The following SOX5 variants were observed in gnomAD, a reference collection of about 807,000 sequenced individuals.
SOX5 encodes SRY-box transcription factor 5.
In SOX5, 9 loss-of-function variants were observed where a neutral mutation model predicts 92.0. The observed-to-expected ratio is 0.10, with a 90% confidence interval of 0.06 to 0.17. The LOEUF (loss-of-function observed/expected upper bound fraction) is 0.17. Among genes scored for constraint, SOX5 ranks in the 10% least tolerant of loss-of-function variants. The pLI, the probability that SOX5 is intolerant of heterozygous loss-of-function variation, is 1.00. For synonymous variants in SOX5, 344 were observed against 336.3 expected, an observed-to-expected ratio of 1.02 and a Z score of -0.25; for missense variants, 642 against 944.5, an observed-to-expected ratio of 0.68 and a Z score of 4.20.
chr12:24,148,652 C>A (rs1951332294), intron 4 of SOX5, among the ~76,000 whole-genome samples: 2 of 125,958 alleles, frequency 1.6e-5, no homozygotes, highest in South Asian at 5.0e-4. Flanking sequence ...GAGTTTGAGA[C>A]CAGCCTGGAA....
In SOX5 at chr12:24,289,707, G is replaced by A. The variant is rs574039959; in HGVS notation, c.-173-12395C>T. 4.1e-4 allele frequency among the ~76,000 whole-genome samples: 50 copies of A among 120,624 alleles called. 2 individuals carry two copies. In the East Asian group the frequency reaches 0.011, roughly 26 times the overall value. The allele number at this position is 120,624 out of a possible 152,430, so 79.1% of individuals were successfully genotyped here. ...CCTGACCTCGTGATCCGCCCGCCTC[G>A]GCCTCCCAAAGTGCTGGGATTACAG... On this transcript the variant is annotated intron_variant, in intron 2 of 4. Transcript: ENST00000446891.
intron 9 of SOX5, among the ~76,000 whole-genome samples, chr12:23,600,550 TATAC>T (rs1376721917): frequency 3.9e-5 from 5 of 126,814 alleles, no homozygotes; most frequent in African/African-American, 1.5e-4. Flanking sequence ...TATATATATA[TATAC>T]ACATACTTGG....
intron 2 of SOX5, among the ~76,000 whole-genome samples, chr12:24,287,592 C>CTTTTTTTTTT (rs763973565): frequency 3.8e-5 from 3 of 79,694 alleles, no homozygotes; most frequent in African/African-American, 4.5e-5. Flanking sequence ...TTCTCAAATC[C>CTTTTTTTTTT]TTTTTTTTTT....
intron 2 of SOX5, among the ~76,000 whole-genome samples, chr12:23,848,956 T>G (rs139543066): frequency 6.6e-6 from 1 of 152,294 alleles, no homozygotes; most frequent in Non-Finnish European, 1.5e-5. Flanking sequence ...TTGCAACCAA[T>G]AGAAAAAGGA....
chr12:23,542,769 A>G (rs1285335023), intron 13 of SOX5, among the ~76,000 whole-genome samples: 1 of 152,196 alleles, frequency 6.6e-6, no homozygotes, highest in Non-Finnish European at 1.5e-5. Context: ...CCCCACAACA[A>G]GATGAATTCC....
chr12:24,083,404 T>A (rs746660553), intron 4 of SOX5, among the ~76,000 whole-genome samples: 1 of 152,100 alleles, frequency 6.6e-6, no homozygotes, highest in African/African-American at 2.4e-5. Context: ...TCTAAGCATA[T>A]GCTATCTGCC....
At chr12:23,584,671 G>C in intron 9 of SOX5, 1 of 1,315,676 alleles carries the variant, frequency 7.6e-7, no homozygotes. Context: ...GTTTATATTT[G>C]GGAGATGAGT....
At chr12:23,832,798 A>G (rs1486863493) in intron 3 of SOX5, among the ~76,000 whole-genome samples, 2 of 148,940 alleles carry the variant, frequency 1.3e-5, no homozygotes, top group African/African-American at 4.9e-5. Context: ...CTTTTAGGCA[A>G]AAAAAAAAAC....
chr12:24,303,912 T>G (rs920875639), intron 2 of SOX5, among the ~76,000 whole-genome samples: 3 of 152,242 alleles, frequency 2.0e-5, no homozygotes, highest in Non-Finnish European at 2.9e-5. Context: ...TTCTTTTTTT[T>G]TGAAAATTGG....
intron 8 of SOX5, among the ~76,000 whole-genome samples, chr12:23,607,947 A>G (rs1191262600): frequency 4.0e-5 from 6 of 151,894 alleles, no homozygotes; most frequent in Non-Finnish European, 7.4e-5. Context: ...AACAGGTGAC[A>G]CTAAACAAAC....
chr12:24,560,264 C>A (rs1176353765), intron 1 of SOX5, among the ~76,000 whole-genome samples: 1 of 152,134 alleles, frequency 6.6e-6, no homozygotes, highest in Admixed American at 6.5e-5. Context: ...CCCTTCCCAC[C>A]CCCACAATTA....
chr12:23,663,999 A>G (rs187119698), intron 7 of SOX5, among the ~76,000 whole-genome samples: 26 of 152,290 alleles, frequency 1.7e-4, no homozygotes, highest in Admixed American at 1.6e-3. Context: ...CAAAAGCAGT[A>G]TGAAAATCTC....
At chr12:24,148,218 C>T (rs144188431) in intron 4 of SOX5, among the ~76,000 whole-genome samples, 42 of 152,126 alleles carry the variant, frequency 2.8e-4, no homozygotes, top group African/African-American at 9.6e-4. Context: ...ACAAACAGGC[C>T]AGGCATGGCG....
chr12:23,535,199 T>C (rs1940060052), intron 14 of SOX5, among the ~76,000 whole-genome samples: 1 of 152,226 alleles, frequency 6.6e-6, no homozygotes, highest in Non-Finnish European at 1.5e-5. Context: ...AAATAGTATT[T>C]TTCCCTAGAA....
chr12:24,539,326 G>T (rs1405970692), intron 1 of SOX5, among the ~76,000 whole-genome samples: 3 of 151,880 alleles, frequency 2.0e-5, no homozygotes, highest in Non-Finnish European at 4.4e-5. Flanking sequence ...AGTTAACCAG[G>T]GTAAAATAAT....
chr12:24,282,540 A>G (rs1256878217), intron 2 of SOX5, among the ~76,000 whole-genome samples: 1 of 152,106 alleles, frequency 6.6e-6, no homozygotes, highest in East Asian at 1.9e-4. Flanking sequence ...ACAAAAAAAA[A>G]AAAGGTGTTG....
At chr12:23,718,455 G>T in intron 6 of SOX5, among the ~76,000 whole-genome samples, 1 of 152,108 alleles carries the variant, frequency 6.6e-6, no homozygotes, top group East Asian at 1.9e-4. Flanking sequence ...ACATCTTAAG[G>T]TTCATAATTT....
intron 4 of SOX5, among the ~76,000 whole-genome samples, chr12:24,104,098 T>C (rs543157114): frequency 2.0e-5 from 3 of 152,358 alleles, no homozygotes; most frequent in Admixed American, 1.3e-4. Flanking sequence ...TGTATCCTCA[T>C]GTAAATAGTA....
intron 4 of SOX5, among the ~76,000 whole-genome samples, chr12:24,195,485 T>A (rs993802566): frequency 5.9e-5 from 9 of 152,226 alleles, no homozygotes; most frequent in Non-Finnish European, 1.0e-4. Flanking sequence ...TTTTTTGTAT[T>A]GATCATCTTT....
Sources: allele counts gnomAD v4.1 joint callset (sites outside exome capture counted in the v4.1 genomes callset), GRCh38; gene constraint gnomAD v4.1.1; transcripts MANE v1.5; gene names NCBI Gene and HGNC (gene_info 2026-07-23, HGNC 2026-07-21).